The following DPP10 variants were observed in gnomAD, a reference collection of about 807,000 sequenced individuals.
DPP10 encodes the protein inactive dipeptidyl peptidase 10.
A neutral mutation model predicts 120.9 loss-of-function variants in DPP10; 33 were observed. The observed-to-expected ratio is 0.27, with a 90% CI of 0.21 to 0.37. The LOEUF is 0.37. DPP10 is among the 10% of genes least tolerant of loss of function. DPP10 has a pLI of 1.00. For synonymous variants in DPP10, 337 were observed against 326.1 expected (o/e 1.03, Z -0.36); for missense variants, 816 against 942.8 (o/e 0.87, Z 1.76).
chr2:115,544,226 G>C (rs2079357623), intron 5 of DPP10, among the ~76,000 whole-genome samples: 1 of 151,944 alleles, frequency 6.6e-6, no homozygotes, highest in Non-Finnish European at 1.5e-5. Flanking sequence ...AATAATCCTT[G>C]AGAAAGTGTC....
intron 1 of DPP10, among the ~76,000 whole-genome samples, chr2:114,614,165 C>T (rs1470492172): frequency 2.0e-5 from 3 of 152,126 alleles, no homozygotes; most frequent in African/African-American, 4.8e-5. Flanking sequence ...CTTTGCCTCC[C>T]TAACACAATT....
chr2:115,470,375 C>A (rs1273517596), intron 3 of DPP10, among the ~76,000 whole-genome samples: 1 of 152,154 alleles, frequency 6.6e-6, no homozygotes, highest in Non-Finnish European at 1.5e-5. Flanking sequence ...ACTGCACCAT[C>A]TTTTTTCAGT....
intron 1 of DPP10, among the ~76,000 whole-genome samples, chr2:114,819,668 T>C (rs1216261519): frequency 6.6e-6 from 1 of 152,194 alleles, no homozygotes; most frequent in Non-Finnish European, 1.5e-5. Context: ...GGGATATCAA[T>C]TGCATAATTT....
chr2:114,715,860 C>T (rs1450085519), intron 1 of DPP10, among the ~76,000 whole-genome samples: 1 of 151,688 alleles, frequency 6.6e-6, no homozygotes, highest in Non-Finnish European at 1.5e-5. Context: ...CAAAATGAAT[C>T]AAAGTACTTT....
At chr2:115,163,380 T>C (rs1284815150) in intron 1 of DPP10, among the ~76,000 whole-genome samples, 1 of 152,166 alleles carries the variant, frequency 6.6e-6, no homozygotes, top group Non-Finnish European at 1.5e-5. Flanking sequence ...ACACAGGTGG[T>C]GGGGATTACT....
chr2:115,597,032 A>G (rs575469843), intron 5 of DPP10, among the ~76,000 whole-genome samples: 4 of 152,266 alleles, frequency 2.6e-5, no homozygotes, highest in South Asian at 2.1e-4. Flanking sequence ...AGGGCTTACT[A>G]TTTAACTACA....
At chr2:114,613,645 G>A (rs867896589) in intron 1 of DPP10, among the ~76,000 whole-genome samples, 8 of 152,108 alleles carry the variant, frequency 5.3e-5, no homozygotes, top group South Asian at 2.1e-4. Context: ...ATCATTCTAC[G>A]ATAAAGACAA....
chr2:115,644,114 C>T (rs1470483702), intron 5 of DPP10, among the ~76,000 whole-genome samples: 1 of 152,008 alleles, frequency 6.6e-6, no homozygotes, highest in Non-Finnish European at 1.5e-5. Context: ...ATTAAAAAAA[C>T]TTAACCATGT....
At chr2:115,412,864 C>T (rs1280870989) in intron 3 of DPP10, among the ~76,000 whole-genome samples, 1 of 152,108 alleles carries the variant, frequency 6.6e-6, no homozygotes, top group Non-Finnish European at 1.5e-5. Context: ...TGGGTGCTTC[C>T]ATTGTATTAT....
At chr2:115,403,940 A>G (rs2068310264) in intron 3 of DPP10, among the ~76,000 whole-genome samples, 1 of 152,314 alleles carries the variant, frequency 6.6e-6, no homozygotes, top group South Asian at 2.1e-4. Context: ...TAGCTTTTCT[A>G]TATTGCAATA....
chr2:115,351,915 T>G (rs765829103), intron 3 of DPP10, among the ~76,000 whole-genome samples: 7 of 152,112 alleles, frequency 4.6e-5, no homozygotes, highest in Admixed American at 3.9e-4. Flanking sequence ...AAAATCATAC[T>G]GTGGCAATCT....
intron 1 of DPP10, among the ~76,000 whole-genome samples, chr2:115,143,707 C>T (rs1413455649): frequency 1.3e-5 from 2 of 152,110 alleles, no homozygotes; most frequent in Non-Finnish European, 2.9e-5. Context: ...GACCTTAGGT[C>T]ATTTGTATTA....
intron 1 of DPP10, among the ~76,000 whole-genome samples, chr2:115,296,155 G>A (rs557045590): frequency 1.3e-5 from 2 of 152,214 alleles, no homozygotes; most frequent in South Asian, 4.1e-4. Flanking sequence ...GGAAACTCCA[G>A]ATCAGACCCA....
At chr2:114,608,757 C>T (rs1047351115) in intron 1 of DPP10, among the ~76,000 whole-genome samples, 41 of 151,330 alleles carry the variant, frequency 2.7e-4, no homozygotes, top group Admixed American at 1.3e-3. Context: ...ATGCAGTTGG[C>T]GGGCATTATC....
intron 2 of DPP10, among the ~76,000 whole-genome samples, chr2:115,340,656 T>A (rs1310679133): frequency 6.6e-6 from 1 of 151,802 alleles, no homozygotes; most frequent in African/African-American, 2.4e-5. Context: ...TTTTTTAAGT[T>A]AACATCTTCC....
Position 115,048,657 on chromosome 2 carries a change from G to A in DPP10, c.61-260582G>A, listed in dbSNP as rs183822253. The stretch of plus-strand genomic sequence containing the variant: ...CTCCCTTCATCACTCTCAATGTCTT[G>A]TTATACCAAATTATATCAAATACCT... On this transcript the variant is annotated intron_variant, in intron 1 of 25. Transcript: ENST00000410059. Among the ~76,000 whole-genome samples, 11 of 151,960 alleles carry A rather than the reference G, an allele frequency of 7.2e-5. No homozygotes were observed. The East Asian group carries it at 2.1e-3, about 29-fold the overall frequency.
chr2:115,554,829 C>T (rs557049764), intron 5 of DPP10, among the ~76,000 whole-genome samples: 9 of 151,988 alleles, frequency 5.9e-5, no homozygotes, highest in Non-Finnish European at 1.2e-4. Context: ...TAAAAATATA[C>T]ATTTCCTTGG....
At chr2:114,974,957 G>A (rs184744664) in intron 1 of DPP10, among the ~76,000 whole-genome samples, 31 of 151,860 alleles carry the variant, frequency 2.0e-4, no homozygotes, top group African/African-American at 7.0e-4. Context: ...ACACAATTAA[G>A]TGGTTAAAAA....
intron 1 of DPP10, among the ~76,000 whole-genome samples, chr2:115,038,840 C>T (rs1216106091): frequency 6.6e-6 from 1 of 152,162 alleles, no homozygotes; most frequent in Non-Finnish European, 1.5e-5. Flanking sequence ...TTATTGGGAA[C>T]TTAAATACGT....
Sources: gnomAD v4.1 joint callset for allele counts (sites outside exome capture counted in the v4.1 genomes callset) on GRCh38, gnomAD v4.1.1 for gene constraint, MANE v1.5 for transcripts, NCBI Gene and HGNC (gene_info 2026-07-23, HGNC 2026-07-21) for gene names.